The following NEO1 variants were observed in gnomAD, a reference collection of about 807,000 sequenced individuals.
NEO1 encodes neogenin.
A neutral mutation model predicts 159.7 loss-of-function variants in NEO1; 63 were observed. That is an observed-to-expected ratio of 0.39 (90% CI 0.32 to 0.49). The LOEUF (loss-of-function observed/expected upper bound fraction) is 0.49. NEO1 is among the 20% of genes least tolerant of loss of function. NEO1 has a pLI of 0.85. For missense variants in NEO1, 1,615 were observed against 1,831.0 expected (o/e 0.88, Z 2.15); for synonymous variants, 633 against 662.0 (o/e 0.96, Z 0.67).
intron 4 of NEO1, among the ~76,000 whole-genome samples, chr15:73,132,515 C>G (rs1418780080): frequency 6.6e-6 from 1 of 152,086 alleles, no homozygotes; most frequent in African/African-American, 2.4e-5. Flanking sequence ...AAAGCAAACA[C>G]AAGAAAAACA....
chr15:73,285,507 G>A (rs969925119), intron 23 of NEO1, among the ~76,000 whole-genome samples: 1 of 152,022 alleles, frequency 6.6e-6, no homozygotes, highest in African/African-American at 2.4e-5. Flanking sequence ...ATCTTCATGG[G>A]GTTTTCCCCT....
At chr15:73,173,231 A>G (rs2035079524) in intron 5 of NEO1, among the ~76,000 whole-genome samples, 1 of 152,208 alleles carries the variant, frequency 6.6e-6, no homozygotes, top group African/African-American at 2.4e-5. Flanking sequence ...AACTTAACAT[A>G]AGATGAGTCT....
intron 1 of NEO1, among the ~76,000 whole-genome samples, chr15:73,068,434 A>C (rs2068347089): frequency 6.6e-6 from 1 of 151,254 alleles, no homozygotes; most frequent in African/African-American, 2.4e-5. Context: ...TTGGTCTTCA[A>C]CTCCTGACCT....
rs1344233756 is a variant in NEO1 at position 73,116,695 on chromosome 15, G to C, written c.286G>C (p.Val96Leu). 5.6e-6 allele frequency: 9 copies of C among 1,613,804 alleles called. No homozygotes were observed. Among genetic ancestry groups the C allele is most frequent in the Non-Finnish European group, 7.6e-6 (9 of 1,179,930 alleles). Reference protein sequence around the residue: ...WKKDGTFLNLVSDDRRQLLPD... With the variant: ...WKKDGTFLNLLSDDRRQLLPD... ...AAAAGATGGAACTTTTTTAAACTTAGTATCAGATGATCGACGCCAGCTTCT... is the reference window on the plus strand; with the variant it reads ...AAAAGATGGAACTTTTTTAAACTTACTATCAGATGATCGACGCCAGCTTCT... The change falls in exon 2 of 29, where the codon GTA becomes CTA. Residue 96 changes from valine (V) to leucine (L), a missense_variant. By Grantham distance (32) the Val-to-Leu change is conservative. Around this residue, in one of 3 missense-constraint regions of NEO1, gnomAD observed 1,018 missense variants for 1,115.4 expected, o/e 0.91. Coordinates refer to ENST00000261908, the MANE Select transcript of NEO1 (RefSeq NM_002499.4).
chr15:73,276,531 A>G (rs1233157756), intron 21 of NEO1, among the ~76,000 whole-genome samples: 1 of 152,204 alleles, frequency 6.6e-6, no homozygotes, highest in South Asian at 2.1e-4. Context: ...AAGTAAGGAG[A>G]TAAAGTAATA....
Position 73,053,348 on chromosome 15 carries a change from G to A in NEO1, c.130+543G>A, listed in dbSNP as rs76988332. Among the ~76,000 whole-genome samples, 1,365 of 152,210 alleles carry A rather than the reference G, an allele frequency of 9.0e-3. 10 individuals are homozygous for A. Among genetic ancestry groups the A allele is most frequent in the Non-Finnish European group, 0.014 (950 of 68,004 alleles). ...CCCGAGTCTGCGGAAGAGCGGGGGT[G>A]TCAGAGGGGCACAATTGCCCGCTCA... On this transcript the variant is annotated intron_variant, in intron 1 of 28. Transcript: ENST00000261908.
At chr15:73,198,176 T>C (rs1286155118) in intron 7 of NEO1, among the ~76,000 whole-genome samples, 3 of 152,188 alleles carry the variant, frequency 2.0e-5, no homozygotes, top group African/African-American at 7.2e-5. Context: ...GCCATTTTTT[T>C]TTCTAGCAGC....
At chr15:73,236,259 A>G in intron 7 of NEO1, 88 bp from the exon 8 acceptor site, 2 of 1,592,254 alleles carry the variant, frequency 1.3e-6, no homozygotes, top group Non-Finnish European at 1.7e-6. Flanking sequence ...TTTGCCCTTC[A>G]TATTCCCCAA....
chr15:73,145,216 A>G lies in NEO1; in HGVS notation c.1015+9189A>G, dbSNP rs2032786879. On this transcript the variant is annotated intron_variant, in intron 5 of 28. Transcript: ENST00000261908. ...GGCCAGTTGACCTGAAAAGAGTTCAACCCCACTAATTGTATAAGAAATACA... is the reference window on the plus strand; with the variant it reads ...GGCCAGTTGACCTGAAAAGAGTTCAGCCCCACTAATTGTATAAGAAATACA... Among the ~76,000 whole-genome samples, 4 of 152,236 alleles carry G rather than the reference A, an allele frequency of 2.6e-5. No homozygotes were observed. The South Asian group carries it at 8.3e-4, about 32-fold the overall frequency.
chr15:73,239,704 C>G (rs1342183379), intron 8 of NEO1, among the ~76,000 whole-genome samples: 1 of 152,156 alleles, frequency 6.6e-6, no homozygotes, highest in African/African-American at 2.4e-5. Context: ...GGGATATACA[C>G]CTAGCTATAC....
intron 7 of NEO1, chr15:73,221,826 G>C (rs558095146): frequency 6.5e-6 from 1 of 153,812 alleles, no homozygotes; most frequent in Non-Finnish European, 1.4e-5. Context: ...TCCAGGTGCC[G>C]TCTGTCACCC....
intron 1 of NEO1, among the ~76,000 whole-genome samples, chr15:73,061,968 A>G (rs1221166163): frequency 1.3e-5 from 2 of 152,244 alleles, no homozygotes; most frequent in Admixed American, 1.3e-4. Flanking sequence ...TTGATTGCAA[A>G]CAAATGATGC....
At chr15:73,229,566 T>C (rs185488140) in intron 7 of NEO1, among the ~76,000 whole-genome samples, 4 of 152,184 alleles carry the variant, frequency 2.6e-5, no homozygotes, top group East Asian at 1.9e-4. Flanking sequence ...TTTCTCTTTT[T>C]CTTGCCATTT....
At chr15:73,220,296 C>T (rs757265751) in intron 7 of NEO1, among the ~76,000 whole-genome samples, 1 of 152,152 alleles carries the variant, frequency 6.6e-6, no homozygotes, top group Non-Finnish European at 1.5e-5. Flanking sequence ...CCGAGAGATC[C>T]ACTGTTAGTC....
rs2067499000 is a variant in NEO1, at chr15:73,052,521, G to A, written c.-155G>A. The stretch of plus-strand genomic sequence containing the variant: ...CTGGAGTCTCCCCTCCAGCGAGAGG[G>A]GCTGCGCGGGCCGGGCCGGGCCGGG... On this transcript the variant is annotated 5_prime_UTR_variant, in exon 1 of 29. Coordinates refer to ENST00000261908, the MANE Select transcript of NEO1 (RefSeq NM_002499.4). 2 of 266,480 alleles carry A rather than the reference G, an allele frequency of 7.5e-6. No homozygotes were observed. The highest frequency in any genetic ancestry group is 1.3e-3 in the Middle Eastern group (1 of 798). 16.5% of individuals were successfully genotyped at this position (266,480 alleles called of 1,614,324 possible).
At chr15:73,076,084 C>T (rs986375905) in intron 1 of NEO1, among the ~76,000 whole-genome samples, 4 of 152,002 alleles carry the variant, frequency 2.6e-5, no homozygotes, top group East Asian at 1.9e-4. Context: ...GGAGGGAGAT[C>T]GTGAAATGAT....
In NEO1 at chr15:73,284,028, G is replaced by A. The variant is rs143881493; in HGVS notation, c.3410+917G>A. 8.4e-3 allele frequency among the ~76,000 whole-genome samples: 1,285 copies of A among 152,272 alleles called. 27 individuals are homozygous for A. Among genetic ancestry groups the A allele is most frequent in the African/African-American group, 0.029 (1,223 of 41,536 alleles). On this transcript the variant is annotated intron_variant, in intron 23 of 28. Transcript: ENST00000261908. ...ACTCCTCTGGGATTTTGAGGGTTGT[G>A]GCTAATGGTCTAAGTGCAGATAGCA...
chr15:73,135,341 A>T (rs1470530503), intron 4 of NEO1, among the ~76,000 whole-genome samples: 2 of 152,190 alleles, frequency 1.3e-5, no homozygotes, highest in African/African-American at 4.8e-5. Flanking sequence ...CTCTCTGGCA[A>T]CCATTCTCTC....
At chr15:73,167,151 G>C (rs550912685) in intron 5 of NEO1, among the ~76,000 whole-genome samples, 1 of 149,590 alleles carries the variant, frequency 6.7e-6, no homozygotes, top group Non-Finnish European at 1.5e-5. Context: ...GGGAGGGATA[G>C]CATTAGGAGA....
Sources: gnomAD v4.1 joint callset for allele counts (sites outside exome capture counted in the v4.1 genomes callset) on GRCh38, gnomAD v4.1.1 for gene constraint, gnomAD v4.1.1 regional missense constraint, MANE v1.5 for transcripts, NCBI Gene and HGNC (gene_info 2026-07-23, HGNC 2026-07-21) for gene names.